The following NCOA7 variants were observed in gnomAD, a reference collection of about 807,000 sequenced individuals.
NCOA7 encodes nuclear receptor coactivator 7.
In NCOA7, 45 loss-of-function variants were observed where a neutral mutation model predicts 104.3. The ratio of observed to expected loss-of-function variants is 0.43; its 90% CI spans 0.34 to 0.55. The LOEUF is 0.55. NCOA7 is among the 20% of genes least tolerant of loss of function. The pLI is 0.02. For missense variants in NCOA7, 1,041 were observed against 1,119.7 expected (o/e 0.93, Z 1.00); for synonymous variants, 398 against 402.3 (o/e 0.99, Z 0.13).
chr6:125,789,724 C>T (rs190773333), upstream of NCOA7, among the ~76,000 whole-genome samples: 8 of 152,350 alleles, frequency 5.3e-5, no homozygotes, highest in East Asian at 1.5e-3. Context: ...CCACCTGCTG[C>T]TGAAATGCCA....
intron 10 of NCOA7, among the ~76,000 whole-genome samples, chr6:125,904,872 T>C (rs770142256): frequency 2.6e-5 from 4 of 152,184 alleles, no homozygotes; most frequent in Non-Finnish European, 5.9e-5. Flanking sequence ...TGTCTGCTGT[T>C]TCTTCTTGGC....
chr6:125,823,094 G>A (rs1460836262), intron 2 of NCOA7, among the ~76,000 whole-genome samples: 2 of 152,206 alleles, frequency 1.3e-5, no homozygotes, highest in African/African-American at 2.4e-5. Context: ...CTGAGATGAA[G>A]CGATCCACAG....
chr6:125,837,785 CTCA>C (rs1003066093), intron 2 of NCOA7, among the ~76,000 whole-genome samples: 10 of 152,158 alleles, frequency 6.6e-5, no homozygotes, highest in African/African-American at 2.2e-4. Context: ...ATTATATTTT[CTCA>C]TCATTGCACT....
At chr6:125,844,823 C>G (rs1391652623) in intron 2 of NCOA7, among the ~76,000 whole-genome samples, 3 of 152,118 alleles carry the variant, frequency 2.0e-5, no homozygotes, top group African/African-American at 7.2e-5. Context: ...CTCTCATTTA[C>G]TTGGATTCTT....
chr6:125,845,765 C>CA (rs1266193360), intron 2 of NCOA7, among the ~76,000 whole-genome samples: 1 of 151,724 alleles, frequency 6.6e-6, no homozygotes, highest in Admixed American at 6.6e-5. Flanking sequence ...GACTCTGTCT[C>CA]AAAAAAACAA....
intron 2 of NCOA7, among the ~76,000 whole-genome samples, chr6:125,853,134 A>T (rs118110448): frequency 6.6e-6 from 1 of 151,790 alleles, no homozygotes; most frequent in South Asian, 2.1e-4. Context: ...CCTTATAGAG[A>T]TATTTTGAGT....
chr6:125,795,882 A>G (rs951071766), intron 1 of NCOA7, among the ~76,000 whole-genome samples: 1 of 152,220 alleles, frequency 6.6e-6, no homozygotes, highest in South Asian at 2.1e-4. Flanking sequence ...AGTTGTCATC[A>G]TGCACAGCAA....
intron 10 of NCOA7, among the ~76,000 whole-genome samples, chr6:125,903,980 A>G (rs989460922): frequency 6.6e-6 from 1 of 152,154 alleles, no homozygotes; most frequent in Admixed American, 6.5e-5. Flanking sequence ...TGCTGGGATT[A>G]CAGGCATGAG....
intron 1 of NCOA7, among the ~76,000 whole-genome samples, chr6:125,792,689 A>C (rs970271875): frequency 1.3e-5 from 2 of 152,188 alleles, no homozygotes; most frequent in African/African-American, 4.8e-5. Context: ...ATAGAAACAC[A>C]TCAGTTTCCA....
intron 1 of NCOA7, among the ~76,000 whole-genome samples, chr6:125,798,787 A>C (rs1775587551): frequency 6.6e-6 from 1 of 152,230 alleles, no homozygotes; most frequent in African/African-American, 2.4e-5. Flanking sequence ...CATATGTATT[A>C]TAATGATAAT....
intron 2 of NCOA7, among the ~76,000 whole-genome samples, chr6:125,835,120 C>T (rs1056931107): frequency 6.6e-5 from 10 of 152,140 alleles, no homozygotes; most frequent in Non-Finnish European, 1.5e-4. Context: ...ACACTTATTC[C>T]AGAATCTTTA....
chr6:125,854,904 A>T, intron 2 of NCOA7, 116 bp from the exon 3 acceptor site: 1 of 660,926 alleles, frequency 1.5e-6, no homozygotes, highest in South Asian at 2.0e-5. Flanking sequence ...TATTATAAGG[A>T]AAGTGTTTTC....
chr6:125,873,228 G>C (rs1365023264), intron 3 of NCOA7, among the ~76,000 whole-genome samples: 1 of 152,092 alleles, frequency 6.6e-6, no homozygotes, highest in Non-Finnish European at 1.5e-5. Context: ...ATCGTGGTCT[G>C]TCATTACTGG....
At chr6:125,806,598 G>T (rs565082926) in intron 1 of NCOA7, among the ~76,000 whole-genome samples, 7 of 152,256 alleles carry the variant, frequency 4.6e-5, no homozygotes, top group African/African-American at 1.4e-4. Flanking sequence ...GGGGCATTTT[G>T]GTTGGCGTGG....
At position 125,929,893 on chromosome 6, in the gene NCOA7, A is replaced by T. The variant is rs1207361009; in HGVS notation, c.*1122A>T. 1 of 152,164 alleles carries T rather than the reference A, an allele frequency of 6.6e-6. No individual in the cohort carries two copies. Among genetic ancestry groups the T allele is most frequent in the African/African-American group, 2.4e-5 (1 of 41,444 alleles). 9.4% of individuals were successfully genotyped at this position (152,164 alleles called of 1,614,324 possible). A position where few individuals can be genotyped will look rare whatever the true frequency, so the allele number is the denominator to read the frequency against. On this transcript the variant is annotated 3_prime_UTR_variant, in exon 16 of 16. Transcript: ENST00000392477. The stretch of plus-strand genomic sequence containing the variant: ...AGGGACTCAGTATATTAATTTCTGC[A>T]TTTTTTAAATCAAATGAAAAACGTC...
chr6:125,908,341 C>T (rs1409689080), intron 10 of NCOA7, among the ~76,000 whole-genome samples: 1 of 152,198 alleles, frequency 6.6e-6, no homozygotes, highest in African/African-American at 2.4e-5. Flanking sequence ...CCCACAGTGG[C>T]AGGGGGCTTG....
intron 13 of NCOA7, among the ~76,000 whole-genome samples, chr6:125,925,778 C>G (rs191919042): frequency 1.9e-3 from 285 of 152,280 alleles, no homozygotes; most frequent in African/African-American, 6.6e-3. Context: ...GGTTGCTCTT[C>G]ATCTATTCCC....
At chr6:125,781,346 G>C (rs1774218955) in exon 1 of NCOA7, 1 of 152,162 alleles carries the variant, frequency 6.6e-6, no homozygotes, top group Non-Finnish European at 1.5e-5. Context: ...GTGACTTGCA[G>C]TCATCATCCA....
At chr6:125,851,615 A>G (rs1316217692) in intron 2 of NCOA7, among the ~76,000 whole-genome samples, 3 of 152,240 alleles carry the variant, frequency 2.0e-5, no homozygotes, top group South Asian at 2.1e-4. Flanking sequence ...GTAGATACCC[A>G]GTAATGCAAT....
Sources: allele counts gnomAD v4.1 joint callset (sites outside exome capture counted in the v4.1 genomes callset), GRCh38; gene constraint gnomAD v4.1.1; transcripts MANE v1.5; gene names NCBI Gene and HGNC (gene_info 2026-07-23, HGNC 2026-07-21).